Variants in LAMA2 observed in about 807,000 individuals in gnomAD.
LAMA2 encodes laminin subunit alpha-2.
Under a neutral mutation model 364.8 loss-of-function variants are expected in LAMA2, and 269 were observed. The ratio of observed to expected loss-of-function variants is 0.74; its 90% CI spans 0.67 to 0.82. LAMA2 has a LOEUF of 0.82. Ranked by LOEUF, LAMA2 falls within the 40% of genes least tolerant of loss-of-function variation. The pLI is 0.00. For synonymous variants in LAMA2, 1,379 were observed against 1,370.6 expected (o/e 1.01, Z -0.14); for missense variants, 3,807 against 3,873.2 (o/e 0.98, Z 0.45).
chr6:129,393,869 G>A (rs1779461040), intron 37 of LAMA2, among the ~76,000 whole-genome samples: 1 of 152,124 alleles, frequency 6.6e-6, no homozygotes, highest in Admixed American at 6.6e-5. Flanking sequence ...TATGCGCTGT[G>A]TTCTATGCAA....
At chr6:129,434,326 G>A (rs188661719) in intron 41 of LAMA2, among the ~76,000 whole-genome samples, 1 of 152,082 alleles carries the variant, frequency 6.6e-6, no homozygotes, top group Non-Finnish European at 1.5e-5. Flanking sequence ...CTCATTGTGA[G>A]TCCTGCTTTT....
chr6:129,492,972 C>T (rs376300943), intron 58 of LAMA2, among the ~76,000 whole-genome samples: 13 of 151,968 alleles, frequency 8.6e-5, no homozygotes, highest in Non-Finnish European at 1.8e-4. Context: ...TGGGCAACCA[C>T]GGTGAAACCC....
intron 41 of LAMA2, among the ~76,000 whole-genome samples, chr6:129,431,843 A>C (rs1025702996): frequency 6.6e-6 from 1 of 152,198 alleles, no homozygotes; most frequent in African/African-American, 2.4e-5. Flanking sequence ...CCGTTCAGAC[A>C]AGTGGGTCTT....
chr6:129,406,691 A>G (rs1321464813), intron 40 of LAMA2, among the ~76,000 whole-genome samples: 5 of 152,236 alleles, frequency 3.3e-5, no homozygotes, highest in Non-Finnish European at 5.9e-5. Context: ...CAAAGCCTAC[A>G]TTATCTATCA....
chr6:128,969,194 C>T (rs183943314), intron 1 of LAMA2, among the ~76,000 whole-genome samples: 14 of 152,218 alleles, frequency 9.2e-5, no homozygotes, highest in East Asian at 3.9e-4. Context: ...AGATGACAGA[C>T]GGAAAACCAT....
intron 1 of LAMA2, among the ~76,000 whole-genome samples, chr6:128,892,050 C>G: frequency 6.6e-6 from 1 of 151,956 alleles, no homozygotes; most frequent in East Asian, 1.9e-4. Flanking sequence ...TACTTGCCAG[C>G]TAATCAGTAA....
At chr6:129,056,805 A>G (rs1788519427) in intron 2 of LAMA2, among the ~76,000 whole-genome samples, 1 of 152,076 alleles carries the variant, frequency 6.6e-6, no homozygotes, top group African/African-American at 2.4e-5. Context: ...ATCTTGGCTC[A>G]CTGCAACCTC....
chr6:129,435,177 C>T (rs995956413), intron 41 of LAMA2, among the ~76,000 whole-genome samples: 3 of 152,106 alleles, frequency 2.0e-5, no homozygotes, highest in Non-Finnish European at 4.4e-5. Context: ...TGATCTTTCT[C>T]ACCATACATG....
intron 40 of LAMA2, among the ~76,000 whole-genome samples, chr6:129,410,326 T>TAA (rs61705472): frequency 6.8e-6 from 1 of 148,122 alleles, no homozygotes; most frequent in African/African-American, 2.5e-5. Flanking sequence ...TATGCTGAAT[T>TAA]AAAAAAAAAA....
At chr6:129,450,122 C>T (rs1281545517) in intron 45 of LAMA2, among the ~76,000 whole-genome samples, 2 of 151,586 alleles carry the variant, frequency 1.3e-5, no homozygotes, top group East Asian at 3.9e-4. Context: ...TACACTTTGG[C>T]AACCCCCTTT....
intron 8 of LAMA2, chr6:129,158,866 G>A: frequency 6.2e-6 from 10 of 1,613,592 alleles, no homozygotes; most frequent in Non-Finnish European, 7.6e-6. Context: ...CTTCTTCTAT[G>A]ATGGCAAAGC....
intron 12 of LAMA2, among the ~76,000 whole-genome samples, chr6:129,249,893 ATATATT>A (rs1331537754): frequency 6.6e-6 from 1 of 152,174 alleles, no homozygotes; most frequent in African/African-American, 2.4e-5. Flanking sequence ...AAAATAATAC[ATATATT>A]TATGTTTATG....
chr6:129,043,506 A>G (rs751672101), intron 1 of LAMA2, among the ~76,000 whole-genome samples: 5 of 151,632 alleles, frequency 3.3e-5, no homozygotes, highest in Non-Finnish European at 4.4e-5. Context: ...TGTTGTTACC[A>G]TTTCTTTTTT....
chr6:129,320,687 C>A (rs1236632626), intron 28 of LAMA2, 32 bp downstream of exon 28: 3 of 1,162,060 alleles, frequency 2.6e-6, no homozygotes, highest in Non-Finnish European at 3.9e-6. Context: ...TGCTTAATCT[C>A]AAGTCACTTC....
rs1222567806 is a variant in LAMA2 at position 129,507,633 on chromosome 6, G to A, written c.8848G>A (p.Ala2950Thr). 1.2e-6 allele frequency: 2 copies of A among 1,614,090 alleles called. No individual in the cohort carries two copies. The highest frequency in any genetic ancestry group is 4.5e-5 in the East Asian group (2 of 44,872). Residue 2950 changes from alanine (A) to threonine (T), a missense_variant, in exon 62 of 65, where the codon GCC becomes ACC. By Grantham distance (58) the Ala-to-Thr change is moderately conservative. Transcript: ENST00000421865. The stretch of plus-strand genomic sequence containing the variant: ...AACATATTTTGACGGAACCGGTTTT[G>A]CCAAAGCAGGTAAGGCTCTTTCATT... ...RGTYFDGTGF[A>T]KAVGGFKVGL...
chr6:128,973,853 G>A (rs1782353163), intron 1 of LAMA2, among the ~76,000 whole-genome samples: 1 of 152,186 alleles, frequency 6.6e-6, no homozygotes, highest in African/African-American at 2.4e-5. Flanking sequence ...CACTGAAAGT[G>A]CTTAGCTACC....
At chr6:129,008,441 T>C (rs895413463) in intron 1 of LAMA2, among the ~76,000 whole-genome samples, 4 of 152,174 alleles carry the variant, frequency 2.6e-5, no homozygotes, top group Non-Finnish European at 5.9e-5. Flanking sequence ...TGCTGGATAA[T>C]TTACATACAT....
rs115007959 is a variant in LAMA2 at position 129,154,694 on chromosome 6, C to T, written c.1206+11C>T. Reference sequence around the variant, plus strand: ...TTCAGACCCAAAGGGGTAAAGTATGCTTTTTCTTTCATAAAGAGTTATTTT... The same window carrying T: ...TTCAGACCCAAAGGGGTAAAGTATGTTTTTTCTTTCATAAAGAGTTATTTT... On this transcript the variant is annotated intron_variant, in intron 8 of 64. Coordinates refer to ENST00000421865, the MANE Select transcript of LAMA2 (RefSeq NM_000426.4). The T allele has an allele frequency of 1.7e-3, 2,803 of 1,608,336 alleles. 52 individuals are homozygous for T. The African/African-American group carries it at 0.033, about 19-fold the overall frequency.
chr6:128,890,318 G>A (rs1280229333), intron 1 of LAMA2, among the ~76,000 whole-genome samples: 1 of 152,010 alleles, frequency 6.6e-6, no homozygotes. Context: ...AAATTCCAAT[G>A]CTTATTTTAG....
Sources: allele counts gnomAD v4.1 joint callset (sites outside exome capture counted in the v4.1 genomes callset), GRCh38; gene constraint gnomAD v4.1.1; transcripts MANE v1.5; gene names NCBI Gene and HGNC (gene_info 2026-07-23, HGNC 2026-07-21).